The following RBM14 variants were observed in gnomAD, a reference collection of about 807,000 sequenced individuals.
RBM14 encodes RNA-binding protein 14.
RBM14 carries 5 observed loss-of-function variants against 52.8 expected under a neutral mutation model. The observed-to-expected ratio is 0.09, with a 90% CI of 0.05 to 0.20. The LOEUF is 0.20. Ranked by LOEUF, RBM14 falls within the 10% of genes least tolerant of loss-of-function variation. The pLI is 1.00. For missense variants in RBM14, 780 were observed against 926.6 expected, an observed-to-expected ratio of 0.84 and a Z score of 2.05; for synonymous variants, 411 against 401.8, an observed-to-expected ratio of 1.02 and a Z score of -0.28.
At position 66,624,851 on chromosome 11, in the gene RBM14, T is replaced by C; in HGVS notation, c.975T>C (p.Ala325=). The C allele has an allele frequency of 6.2e-7, 1 of 1,613,930 alleles. No homozygotes were observed. Among genetic ancestry groups the C allele is most frequent in the Non-Finnish European group, 8.5e-7 (1 of 1,179,928 alleles). The change falls in exon 2 of 3, where the codon GCT becomes GCC. Residue 325 remains alanine (A), a synonymous_variant. Coordinates refer to ENST00000310137, the MANE Select transcript of RBM14 (RefSeq NM_006328.4). This position sits in a 1 kb window ranked among gnomAD's most constrained non-coding sequence, Gnocchi z 4.7. The part of the protein sequence containing the change: ...LSSYGGQAAA[A]SSLNSYGAQG... ...CCTATGGGGGTCAGGCAGCTGCAGCTTCTTCGCTCAACTCCTATGGGGCTC... is the reference window on the plus strand; with the variant it reads ...CCTATGGGGGTCAGGCAGCTGCAGCCTCTTCGCTCAACTCCTATGGGGCTC...
chr11:66,625,301 G>A lies in RBM14; in HGVS notation c.1425G>A (p.Gly475=). ...PVVQTQLNSY[G]AQASMGLSGS... ...TGCAGACCCAGCTGAATAGTTACGG[G>A]GCCCAAGCATCAATGGGCCTTTCAG... The change falls in exon 2 of 3, where the codon GGG becomes GGA. Residue 475 remains glycine, a synonymous_variant. Coordinates refer to ENST00000310137, the MANE Select transcript of RBM14 (RefSeq NM_006328.4). This position sits in a 1 kb window ranked among gnomAD's most constrained non-coding sequence, Gnocchi z 4.2. 1 of 1,612,084 alleles carries A rather than the reference G, an allele frequency of 6.2e-7. No homozygotes were observed. The highest frequency in any genetic ancestry group is 8.5e-7 in the Non-Finnish European group (1 of 1,179,292).
intron 1 of RBM14, among the ~76,000 whole-genome samples, chr11:66,618,788 G>T (rs184483840): frequency 7.3e-4 from 111 of 152,296 alleles, no homozygotes; most frequent in Admixed American, 6.3e-3. Flanking sequence ...CAGGCTTCTT[G>T]CTGGCTTTCA....
At position 66,616,756 on chromosome 11, in the gene RBM14, T is replaced by C. The variant is rs1175987229; in HGVS notation, c.36T>C (p.Asp12=). The C allele has an allele frequency of 1.2e-6, 2 of 1,601,630 alleles. No homozygotes were observed. Among genetic ancestry groups the C allele is most frequent in the South Asian group, 2.2e-5 (2 of 90,884 alleles). The change falls in exon 1 of 3, where the codon GAT becomes GAC. Residue 12 remains aspartate (D), a synonymous_variant. Coordinates refer to ENST00000310137, the MANE Select transcript of RBM14 (RefSeq NM_006328.4). ...TCGTGGGCAACGTCGACGGGGCGGA[T>C]ACGACTCCGGAGGAGCTGGCAGCCC... ...KIFVGNVDGA[D]TTPEELAALF...
Position 66,624,631 on chromosome 11 carries a change from A to T in RBM14, c.755A>T (p.Gln252Leu). The T allele has an allele frequency of 6.2e-7, 1 of 1,612,936 alleles. No individual in the cohort carries two copies. The highest frequency in any genetic ancestry group is 8.5e-7 in the Non-Finnish European group (1 of 1,179,986). Reference protein sequence around the residue: ...SVSLGAAYRAQPSASLGVGYR... With the variant: ...SVSLGAAYRALPSASLGVGYR... ...TCACTGGGAGCTGCCTACAGGGCCC[A>T]GCCTTCTGCCTCTTTGGGTGTTGGC... is the stretch of plus-strand genomic sequence containing the variant. Residue 252 changes from glutamine (Q) to leucine (L), a missense_variant, in exon 2 of 3, where the codon CAG becomes CTG. Around this residue, in one of 4 missense-constraint regions of RBM14, gnomAD observed 675 missense variants for 697.3 expected, o/e 0.97. Transcript: ENST00000310137. This position sits in a 1 kb window ranked among gnomAD's most constrained non-coding sequence, Gnocchi z 4.7.
Position 66,624,179 on chromosome 11 carries a change from C to T in RBM14, c.338-35C>T, listed in dbSNP as rs376315702. ...CCCATCAGGTAGCATGCCCTGCCCC[C>T]CTAATTGCTAACCCTCTGTCTGCTG... On this transcript the variant is annotated intron_variant, in intron 1 of 2. Transcript: ENST00000310137. This position sits in a 1 kb window ranked among gnomAD's most constrained non-coding sequence, Gnocchi z 4.7. The T allele has an allele frequency of 2.6e-6, 4 of 1,546,180 alleles. No individual in the cohort carries two copies. The African/African-American group carries it at 4.1e-5, about 16-fold the overall frequency.
At position 66,624,483 on chromosome 11, in the gene RBM14, C is replaced by T. The variant is rs764210265; in HGVS notation, c.607C>T (p.Arg203Cys). Residue 203 changes from arginine to cysteine, a missense_variant, in exon 2 of 3, where the codon CGT (arginine) becomes TGT (cysteine). Physicochemically the swap from Arg to Cys is radical, Grantham distance 180. Coordinates refer to ENST00000310137, the MANE Select transcript of RBM14 (RefSeq NM_006328.4). The surrounding 1 kb of genome is among the most constrained non-coding windows in gnomAD (Gnocchi z 4.7). ...CACTGGTGGCTTTGATGGGCAAGCC[C>T]GTCAGCCCACACCACCCTTCTTTGG... Reference protein sequence around the residue: ...NSTGGFDGQARQPTPPFFGRD... With the variant: ...NSTGGFDGQACQPTPPFFGRD... 10 of 1,613,356 alleles carry T rather than the reference C, an allele frequency of 6.2e-6. No homozygotes were observed. Among genetic ancestry groups the T allele is most frequent in the East Asian group, 4.5e-5 (2 of 44,834 alleles).
Position 66,625,688 on chromosome 11 carries a change from G to C in RBM14, c.1802+10G>C, listed in dbSNP as rs755285276. 1 of 1,565,162 alleles carries C rather than the reference G, an allele frequency of 6.4e-7. No individual in the cohort carries two copies. Among genetic ancestry groups the C allele is most frequent in the East Asian group, 2.3e-5 (1 of 44,384 alleles). On this transcript the variant is annotated intron_variant, in intron 2 of 2. Transcript: ENST00000310137. The surrounding 1 kb of genome is among the most constrained non-coding windows in gnomAD (Gnocchi z 4.2). ...TCGCCATGTCGAAAAGGTACTGTAT[G>C]CCCCCCCGCCTCTGCCCCCAGCTGG... is the stretch of plus-strand genomic sequence containing the variant.
At position 66,624,722 on chromosome 11, in the gene RBM14, G is replaced by A. The variant is rs1484092645; in HGVS notation, c.846G>A (p.Gly282=). 2 of 1,613,632 alleles carry A rather than the reference G, an allele frequency of 1.2e-6. No homozygotes were observed. Among genetic ancestry groups the A allele is most frequent in the African/African-American group, 1.3e-5 (1 of 74,772 alleles). ...SYRAQPSVSL[G]APYRGQLASP... Reference sequence around the variant, plus strand: ...GCGCTCAGCCCTCTGTCTCCCTTGGGGCACCATACAGGGGCCAGCTGGCTA... The same window carrying A: ...GCGCTCAGCCCTCTGTCTCCCTTGGAGCACCATACAGGGGCCAGCTGGCTA... The change falls in exon 2 of 3, where the codon GGG becomes GGA. Residue 282 remains glycine, a synonymous_variant. Transcript: ENST00000310137. The surrounding 1 kb of genome is among the most constrained non-coding windows in gnomAD (Gnocchi z 4.7).
rs769425100 is a variant in RBM14, at chr11:66,625,141, C to T, written c.1265C>T (p.Ala422Val). Residue 422 changes from alanine to valine, a missense_variant, in exon 2 of 3, where the codon GCT becomes GTT. Physicochemically the swap from Ala to Val is moderately conservative, Grantham distance 64. This residue lies in a region of RBM14 where 675 missense variants were observed against 697.3 expected (regional missense o/e 0.97). Coordinates refer to ENST00000310137, the MANE Select transcript of RBM14 (RefSeq NM_006328.4). This position sits in a 1 kb window ranked among gnomAD's most constrained non-coding sequence, Gnocchi z 4.2. ...AQSAPYAAQQ[A>V]ASYSSQPAAY... ...TCTGCCCCATATGCTGCACAGCAGG[C>T]TGCTTCCTACTCTTCCCAACCTGCT... The T allele has an allele frequency of 6.2e-7, 1 of 1,612,942 alleles. No individual in the cohort carries two copies. Among genetic ancestry groups the T allele is most frequent in the Non-Finnish European group, 8.5e-7 (1 of 1,179,982 alleles).
chr11:66,617,461 C>T, intron 1 of RBM14: 1 of 1,025,602 alleles, frequency 9.8e-7, no homozygotes, highest in Non-Finnish European at 1.2e-6. Context: ...CTCCAGACGT[C>T]GGTCAGAGCA....
rs141552793 is a variant in RBM14 at position 66,627,031 on chromosome 11, G to A, written c.*363G>A. ...GGGGAAGCAACCTGCAGCTGAGGTC[G>A]CCGGCGCCTTTTTCTTTTTAGATGG... On this transcript the variant is annotated 3_prime_UTR_variant, in exon 3 of 3. Transcript: ENST00000310137. 12 of 183,788 alleles carry A rather than the reference G, an allele frequency of 6.5e-5. No homozygotes were observed. In the East Asian group the frequency reaches 1.8e-3, roughly 28 times the overall value. The allele number at this position is 183,788 out of a possible 1,614,324, so 11.4% of individuals were successfully genotyped here. A position where few individuals can be genotyped will look rare whatever the true frequency, so the allele number is the denominator to read the frequency against.
intron 1 of RBM14, chr11:66,623,992 G>A (rs1937664047): frequency 2.5e-6 from 2 of 798,154 alleles, no homozygotes; most frequent in Admixed American, 2.0e-5. Context: ...GTTTGTAAAG[G>A]GGAGAATGGG....
chr11:66,622,947 C>A (rs2135016374), intron 1 of RBM14, among the ~76,000 whole-genome samples: 1 of 152,278 alleles, frequency 6.6e-6, no homozygotes, highest in African/African-American at 2.4e-5. Flanking sequence ...AGGATTCTCT[C>A]CTTCAGATTC....
chr11:66,624,119 C>A lies in RBM14; in HGVS notation c.338-95C>A. ...GTTTGGAGGCCTTGGAGGTAGCTGGCAACAGCTGGGTGCTGTTGTGTGTCC... is the reference window on the plus strand; with the variant it reads ...GTTTGGAGGCCTTGGAGGTAGCTGGAAACAGCTGGGTGCTGTTGTGTGTCC... On this transcript the variant is annotated intron_variant, in intron 1 of 2. Coordinates refer to ENST00000310137, the MANE Select transcript of RBM14 (RefSeq NM_006328.4). The surrounding 1 kb of genome is among the most constrained non-coding windows in gnomAD (Gnocchi z 4.7). The A allele has an allele frequency of 6.5e-7, 1 of 1,540,558 alleles. No individual in the cohort carries two copies. Among genetic ancestry groups the A allele is most frequent in the Middle Eastern group, 1.9e-4 (1 of 5,266 alleles).
At position 66,627,966 on chromosome 11, in the gene RBM14, C is replaced by T. The variant is rs1312511928; in HGVS notation, c.*1298C>T. ...CCATGGAGCATCCTCCTGTGTCCTG[C>T]CAACCCCTGCCATTATAGTCACCGG... is the stretch of plus-strand genomic sequence containing the variant. On this transcript the variant is annotated 3_prime_UTR_variant, in exon 3 of 3. Coordinates refer to ENST00000310137, the MANE Select transcript of RBM14 (RefSeq NM_006328.4). Among the ~76,000 whole-genome samples, 1 of 152,130 alleles carries T rather than the reference C, an allele frequency of 6.6e-6. No individual in the cohort carries two copies. The highest frequency in any genetic ancestry group is 1.5e-5 in the Non-Finnish European group (1 of 68,028).
At position 66,624,162 on chromosome 11, in the gene RBM14, G is replaced by T. The variant is rs1937679197; in HGVS notation, c.338-52G>T. On this transcript the variant is annotated intron_variant, in intron 1 of 2. Coordinates refer to ENST00000310137, the MANE Select transcript of RBM14 (RefSeq NM_006328.4). The surrounding 1 kb of genome is among the most constrained non-coding windows in gnomAD (Gnocchi z 4.7). Reference sequence around the variant, plus strand: ...GTGTGTCCAATTTGGGACCCATCAGGTAGCATGCCCTGCCCCCCTAATTGC... The same window carrying T: ...GTGTGTCCAATTTGGGACCCATCAGTTAGCATGCCCTGCCCCCCTAATTGC... 2 of 1,542,042 alleles carry T rather than the reference G, an allele frequency of 1.3e-6. No individual in the cohort carries two copies. The highest frequency in any genetic ancestry group is 4.5e-5 in the East Asian group (2 of 44,180).
chr11:66,618,001 T>G (rs1486271177), intron 1 of RBM14, among the ~76,000 whole-genome samples: 1 of 152,226 alleles, frequency 6.6e-6, no homozygotes, highest in Non-Finnish European at 1.5e-5. Context: ...GCTTGAGTAG[T>G]CTGATTCTCA....
Position 66,625,307 on chromosome 11 carries a change from A to G in RBM14, c.1431A>G (p.Gln477=), listed in dbSNP as rs748981782. The G allele has an allele frequency of 1.9e-6, 3 of 1,612,206 alleles. No homozygotes were observed. Among genetic ancestry groups the G allele is most frequent in the Non-Finnish European group, 2.5e-6 (3 of 1,179,314 alleles). ...CCCAGCTGAATAGTTACGGGGCCCA[A>G]GCATCAATGGGCCTTTCAGGCTCCT... ...VQTQLNSYGA[Q]ASMGLSGSYG... The change falls in exon 2 of 3, where the codon CAA becomes CAG. Residue 477 remains glutamine (Q), a synonymous_variant. Coordinates refer to ENST00000310137, the MANE Select transcript of RBM14 (RefSeq NM_006328.4). The surrounding 1 kb of genome is among the most constrained non-coding windows in gnomAD (Gnocchi z 4.2).
chr11:66,618,437 A>G (rs1858948400), intron 1 of RBM14: 2 of 715,412 alleles, frequency 2.8e-6, no homozygotes, highest in Non-Finnish European at 5.2e-6. Context: ...CATAGTGTCC[A>G]CTACTAGGAA....
Sources: gnomAD v4.1 joint callset for allele counts (sites outside exome capture counted in the v4.1 genomes callset) on GRCh38, gnomAD v4.1.1 for gene constraint, gnomAD v4.1.1 regional missense constraint, Gnocchi (gnomAD v3.1) non-coding constraint, MANE v1.5 for transcripts, NCBI Gene and HGNC (gene_info 2026-07-23, HGNC 2026-07-21) for gene names.